Variants in TENM3 observed in about 807,000 individuals in gnomAD.
TENM3 encodes the protein teneurin-3.
A neutral mutation model predicts 255.1 loss-of-function variants in TENM3; 63 were observed. That is an observed-to-expected ratio of 0.25 (90% confidence interval 0.20 to 0.30). The LOEUF (loss-of-function observed/expected upper bound fraction) is 0.30. TENM3 is among the 10% of genes least tolerant of loss of function. The probability of loss-of-function intolerance (pLI) is 1.00; values close to 1 mark genes in which losing one functional copy is unlikely to be tolerated. For missense variants in TENM3, 2,929 were observed against 3,461.1 expected, an observed-to-expected ratio of 0.85 and a Z score of 3.86; for synonymous variants, 1,306 against 1,322.3, an observed-to-expected ratio of 0.99 and a Z score of 0.27.
intron 22 of TENM3, among the ~76,000 whole-genome samples, chr4:182,763,802 C>T (rs1362175377): frequency 6.6e-6 from 1 of 152,244 alleles, no homozygotes; most frequent in African/African-American, 2.4e-5. Context: ...ACCTTTAAAC[C>T]CTCAAGGAAG....
At chr4:182,782,946 T>C (rs1765297791) in intron 24 of TENM3, among the ~76,000 whole-genome samples, 1 of 151,654 alleles carries the variant, frequency 6.6e-6, no homozygotes, top group Non-Finnish European at 1.5e-5. Flanking sequence ...AGCCTATGTG[T>C]GTCTCTGCAC....
chr4:181,468,647 A>G, the TENM3 span, among the ~76,000 whole-genome samples: 1 of 152,206 alleles, frequency 6.6e-6, no homozygotes, highest in African/African-American at 2.4e-5. Context: ...TCCAACTAGC[A>G]TGCCCAGGAT....
the TENM3 span, among the ~76,000 whole-genome samples, chr4:181,938,818 T>G: frequency 6.6e-6 from 1 of 152,180 alleles, no homozygotes; most frequent in African/African-American, 2.4e-5. Flanking sequence ...CCCTAAGAAC[T>G]AGGTCTGGCA....
intron 1 of TENM3, among the ~76,000 whole-genome samples, chr4:182,274,072 G>T (rs1396508383): frequency 6.6e-6 from 1 of 152,184 alleles, no homozygotes; most frequent in Non-Finnish European, 1.5e-5. Context: ...CTTGCTGGAG[G>T]CCAGAATGAG....
chr4:181,827,734 G>C, the TENM3 span, among the ~76,000 whole-genome samples: 1 of 152,144 alleles, frequency 6.6e-6, no homozygotes, highest in Non-Finnish European at 1.5e-5. Flanking sequence ...CTTCACCCCA[G>C]GTATGAGGCA....
chr4:182,149,168 A>G (rs1459701586), intron 1 of TENM3, among the ~76,000 whole-genome samples: 1 of 151,886 alleles, frequency 6.6e-6, no homozygotes, highest in Non-Finnish European at 1.5e-5. Flanking sequence ...TTGGCATCGG[A>G]TTGGTGTTTT....
the TENM3 span, among the ~76,000 whole-genome samples, chr4:182,088,936 A>G: frequency 3.3e-5 from 5 of 152,118 alleles, no homozygotes; most frequent in South Asian, 2.1e-4. Flanking sequence ...ATCTTAACCC[A>G]CAAGGTCATA....
chr4:181,676,142 A>T, the TENM3 span, among the ~76,000 whole-genome samples: 11 of 152,134 alleles, frequency 7.2e-5, no homozygotes, highest in Admixed American at 1.3e-4. Context: ...GGTAGTTTTG[A>T]GCTTCAAAAT....
At chr4:181,490,908 T>C in the TENM3 span, among the ~76,000 whole-genome samples, 1 of 152,174 alleles carries the variant, frequency 6.6e-6, no homozygotes, top group South Asian at 2.1e-4. Context: ...CTCTGGTGAT[T>C]TGAAATTTTC....
At chr4:181,854,937 AT>A in the TENM3 span, among the ~76,000 whole-genome samples, 227 of 151,606 alleles carry the variant, frequency 1.5e-3, 5 homozygotes, top group African/African-American at 4.9e-3. Flanking sequence ...GCAAGAATGG[AT>A]TTTTTTTTAA....
At chr4:182,562,504 TCTC>T (rs2151977525) in intron 3 of TENM3, among the ~76,000 whole-genome samples, 1 of 152,266 alleles carries the variant, frequency 6.6e-6, no homozygotes, top group South Asian at 2.1e-4. Flanking sequence ...ACTCTGTTCT[TCTC>T]TTAGTCATTT....
At chr4:181,705,399 C>T in the TENM3 span, among the ~76,000 whole-genome samples, 1 of 152,160 alleles carries the variant, frequency 6.6e-6, no homozygotes, top group African/African-American at 2.4e-5. Context: ...CACTATGGAA[C>T]ACTTGAAAGA....
At chr4:181,701,204 A>G in the TENM3 span, among the ~76,000 whole-genome samples, 10 of 152,156 alleles carry the variant, frequency 6.6e-5, no homozygotes, top group Non-Finnish European at 1.2e-4. Context: ...CACCAAGGAG[A>G]CTGGCATGAC....
the TENM3 span, among the ~76,000 whole-genome samples, chr4:181,540,826 G>C: frequency 6.7e-6 from 1 of 149,172 alleles, no homozygotes; most frequent in Non-Finnish European, 1.5e-5. Flanking sequence ...ATGGGATCCT[G>C]GGACAGATAA....
the TENM3 span, among the ~76,000 whole-genome samples, chr4:181,552,397 T>C: frequency 6.6e-6 from 1 of 152,332 alleles, no homozygotes; most frequent in East Asian, 1.9e-4. Context: ...ATCTTTCCGA[T>C]ATCCATTTCT....
At chr4:182,562,796 C>T (rs560119151) in intron 3 of TENM3, among the ~76,000 whole-genome samples, 47 of 152,206 alleles carry the variant, frequency 3.1e-4, no homozygotes, top group Admixed American at 8.5e-4. Flanking sequence ...ACAACAACAC[C>T]GTGCCTAATT....
At chr4:182,712,132 A>C (rs1018579113) in intron 12 of TENM3, among the ~76,000 whole-genome samples, 20 of 152,160 alleles carry the variant, frequency 1.3e-4, no homozygotes, top group Admixed American at 1.0e-3. Flanking sequence ...TATTTTTTAA[A>C]ACCTATAAAT....
intron 1 of TENM3, among the ~76,000 whole-genome samples, chr4:182,212,529 A>AC (rs1755121966): frequency 6.6e-6 from 1 of 151,816 alleles, no homozygotes; most frequent in Non-Finnish European, 1.5e-5. Flanking sequence ...TTAAAAAAAA[A>AC]AAAATTTATG....
intron 12 of TENM3, 131 bp downstream of exon 12, chr4:182,688,482 T>G: frequency 1.4e-6 from 1 of 703,528 alleles, no homozygotes; most frequent in Non-Finnish European, 2.1e-6. Flanking sequence ...CACGAAATTA[T>G]TTTTTAAATA....
Sources: gnomAD v4.1 joint callset for allele counts (sites outside exome capture counted in the v4.1 genomes callset) on GRCh38, gnomAD v4.1.1 for gene constraint, MANE v1.5 for transcripts, NCBI Gene and HGNC (gene_info 2026-07-23, HGNC 2026-07-21) for gene names.